The following GLYATL3 variants were observed in gnomAD, a reference collection of about 807,000 sequenced individuals.
GLYATL3 encodes the protein glycine-N-acyltransferase like 3, also known as glycine N-acyltransferase-like protein 3.
Under a neutral mutation model 28.5 loss-of-function variants are expected in GLYATL3, and 31 were observed. The observed-to-expected ratio is 1.09, with a 90% CI of 0.82 to 1.47. The LOEUF is 1.47. Among genes scored for constraint, GLYATL3 ranks in the 40% most tolerant of loss-of-function variants. GLYATL3 has a pLI of 0.00. For missense variants in GLYATL3, 369 were observed against 351.5 expected (o/e 1.05, Z -0.40); for synonymous variants, 141 against 140.2 (o/e 1.01, Z -0.04).
intron 2 of GLYATL3, among the ~76,000 whole-genome samples, chr6:49,512,928 G>A (rs1215791665): frequency 6.6e-6 from 1 of 151,944 alleles, no homozygotes; most frequent in Non-Finnish European, 1.5e-5. Context: ...AACTGTATGT[G>A]GTAACGAAAA....
chr6:49,511,484 G>A (rs959852322), intron 1 of GLYATL3, among the ~76,000 whole-genome samples: 2 of 152,064 alleles, frequency 1.3e-5, no homozygotes, highest in Non-Finnish European at 2.9e-5. Context: ...AACTTAGCTC[G>A]AGGTTCTTAC....
At chr6:49,500,515 G>A (rs1768894309) in intron 1 of GLYATL3, among the ~76,000 whole-genome samples, 1 of 152,138 alleles carries the variant, frequency 6.6e-6, no homozygotes, top group Non-Finnish European at 1.5e-5. Flanking sequence ...AGTCTCCCAG[G>A]AGAGTGTCAT....
chr6:49,510,244 G>A (rs12208117), intron 1 of GLYATL3, among the ~76,000 whole-genome samples: 12,847 of 151,842 alleles, frequency 0.085, 619 homozygotes, highest in Non-Finnish European at 0.11. Context: ...GTTTCTCCAT[G>A]TTGGTCAGGC....
intron 1 of GLYATL3, among the ~76,000 whole-genome samples, chr6:49,507,170 G>T (rs959057157): frequency 2.0e-5 from 3 of 152,110 alleles, no homozygotes; most frequent in Non-Finnish European, 4.4e-5. Context: ...GGACTAGTAG[G>T]GGGGTCAGCT....
rs983858036 is a variant in GLYATL3 at position 49,515,673 on chromosome 6, C to T, written c.99C>T (p.Asn33=). The T allele has an allele frequency of 3.9e-6, 6 of 1,549,584 alleles. No homozygotes were observed. The highest frequency in any genetic ancestry group is 5.2e-6 in the Non-Finnish European group (6 of 1,145,276). ...ESLKVYGAVM[N]INRGNPFQKE... is the part of the protein sequence containing the mutation. Reference sequence around the variant, plus strand: ...CTCAGGTTTACGGAGCGGTGATGAACATAAATCGTGGGAACCCCTTTCAAA... The same window carrying T: ...CTCAGGTTTACGGAGCGGTGATGAATATAAATCGTGGGAACCCCTTTCAAA... Residue 33 remains asparagine (N), a synonymous_variant, in exon 3 of 6, where the codon AAC becomes AAT. Transcript: ENST00000371197.
chr6:49,522,190 T>A (rs2127239223), intron 5 of GLYATL3, among the ~76,000 whole-genome samples: 1 of 152,272 alleles, frequency 6.6e-6, no homozygotes, highest in South Asian at 2.1e-4. Context: ...TGTCAGGGAC[T>A]ACATATCTTA....
At chr6:49,505,782 TGAAA>T (rs1561975646) in intron 1 of GLYATL3, among the ~76,000 whole-genome samples, 1 of 152,176 alleles carries the variant, frequency 6.6e-6, no homozygotes, top group African/African-American at 2.4e-5. Context: ...CAAGATATAT[TGAAA>T]GAGTCTTAGA....
At chr6:49,510,500 A>G (rs977020842) in intron 1 of GLYATL3, among the ~76,000 whole-genome samples, 13 of 152,238 alleles carry the variant, frequency 8.5e-5, no homozygotes, top group African/African-American at 2.7e-4. Flanking sequence ...TAAGAGGTTC[A>G]CATTCCACTG....
At chr6:49,517,261 C>T (rs1485794749) in intron 3 of GLYATL3, among the ~76,000 whole-genome samples, 169 bp from the exon 4 acceptor site, 2 of 151,966 alleles carry the variant, frequency 1.3e-5, no homozygotes, top group Admixed American at 1.3e-4. Flanking sequence ...CCCCTCACTA[C>T]AGCATATTAG....
At chr6:49,518,839 G>T (rs979490453) in intron 4 of GLYATL3, among the ~76,000 whole-genome samples, 1 of 152,072 alleles carries the variant, frequency 6.6e-6, no homozygotes, top group Admixed American at 6.6e-5. Context: ...TACTCAGGAG[G>T]CTGAGGCAGG....
In GLYATL3 at chr6:49,527,224, A is replaced by C. The variant is rs1220226032; in HGVS notation, c.*310A>C. Among the ~76,000 whole-genome samples, 1 of 152,156 alleles carries C rather than the reference A, an allele frequency of 6.6e-6. No individual in the cohort carries two copies. The highest frequency in any genetic ancestry group is 2.4e-5 in the African/African-American group (1 of 41,442). The stretch of plus-strand genomic sequence containing the variant: ...GTGTACTAGGAGAAATTACTGCATG[A>C]GAACAAATGATTTAACAGAGGACCA... On this transcript the variant is annotated 3_prime_UTR_variant, in exon 6 of 6. Transcript: ENST00000371197.
At chr6:49,522,772 G>A (rs1769339638) in intron 5 of GLYATL3, among the ~76,000 whole-genome samples, 1 of 152,122 alleles carries the variant, frequency 6.6e-6, no homozygotes, top group African/African-American at 2.4e-5. Flanking sequence ...TCATAGGAAA[G>A]CAACTGGATT....
At chr6:49,502,158 A>G (rs1401059632) in intron 1 of GLYATL3, among the ~76,000 whole-genome samples, 1 of 152,226 alleles carries the variant, frequency 6.6e-6, no homozygotes, top group Non-Finnish European at 1.5e-5. Context: ...AATGAACCAT[A>G]GCAATCATAG....
chr6:49,526,233 G>A (rs1361192204), intron 5 of GLYATL3, among the ~76,000 whole-genome samples: 2 of 152,048 alleles, frequency 1.3e-5, no homozygotes, highest in African/African-American at 4.8e-5. Flanking sequence ...GGCCAACATC[G>A]TGAAATCCCG....
In GLYATL3 at chr6:49,526,500, C is replaced by A. The variant is rs568969248; in HGVS notation, c.453C>A (p.Ser151=). 27 of 1,551,354 alleles carry A rather than the reference C, an allele frequency of 1.7e-5. No individual in the cohort carries two copies. The East Asian group carries it at 5.9e-4, about 34-fold the overall frequency. ...LPDTSFLKGP[S]PRLTYLSVAN... is the part of the protein sequence containing the mutation. ...CATTCTGGTCTAGCAAGGGGCCTTCCCCACGACTAACCTACCTGAGTGTTG... is the reference window on the plus strand; with the variant it reads ...CATTCTGGTCTAGCAAGGGGCCTTCACCACGACTAACCTACCTGAGTGTTG... The change falls in exon 6 of 6, where the codon TCC becomes TCA. Residue 151 remains serine (S), a synonymous_variant. Transcript: ENST00000371197.
At chr6:49,506,352 G>C (rs760038653) in intron 1 of GLYATL3, among the ~76,000 whole-genome samples, 1 of 152,190 alleles carries the variant, frequency 6.6e-6, no homozygotes. Flanking sequence ...AAGTCTGTCA[G>C]ATAGGTTGTA....
At chr6:49,525,560 CAAAAAAAAAAAAAAA>C (rs56711143) in intron 5 of GLYATL3, among the ~76,000 whole-genome samples, 3 of 66,594 alleles carry the variant, frequency 4.5e-5, no homozygotes, top group South Asian at 7.4e-4. Context: ...GCAAGGCTCT[CAAAAAAAAAAAAAAA>C]AAAAAAAAAA....
chr6:49,526,370 G>A (rs1200726378), intron 5 of GLYATL3, 118 bp from the exon 6 acceptor site: 3 of 797,714 alleles, frequency 3.8e-6, no homozygotes, highest in Admixed American at 5.2e-5. Context: ...CAGAGATCAC[G>A]CCACTGCACT....
At chr6:49,525,943 G>T (rs1486080774) in intron 5 of GLYATL3, among the ~76,000 whole-genome samples, 1 of 152,124 alleles carries the variant, frequency 6.6e-6, no homozygotes, top group Admixed American at 6.5e-5. Context: ...TGTGCTGAAG[G>T]CAAAAGCAAG....
Sources: allele counts gnomAD v4.1 joint callset (sites outside exome capture counted in the v4.1 genomes callset), GRCh38; gene constraint gnomAD v4.1.1; transcripts MANE v1.5; gene names NCBI Gene and HGNC (gene_info 2026-07-23, HGNC 2026-07-21).